The following GHR variants were observed in gnomAD, a reference collection of about 807,000 sequenced individuals.
The protein encoded by GHR is GH receptor.
GHR carries 35 observed loss-of-function variants against 67.1 expected under a neutral mutation model. That is an observed-to-expected ratio of 0.52 (90% confidence interval 0.40 to 0.69). GHR has a LOEUF of 0.69. GHR is among the 30% of genes least tolerant of loss of function. The probability of loss-of-function intolerance (pLI) is 0.00; values close to 1 mark genes in which losing one functional copy is unlikely to be tolerated. For missense variants in GHR, 792 were observed against 764.6 expected (o/e 1.04, Z -0.42); for synonymous variants, 272 against 269.1 (o/e 1.01, Z -0.10).
Position 42,507,547 on chromosome 5 carries a change from A to T in GHR, c.-11-58317A>T, listed in dbSNP as rs548623474. Among the ~76,000 whole-genome samples, 7 of 152,358 alleles carry T rather than the reference A, an allele frequency of 4.6e-5. No homozygotes were observed. The South Asian group carries it at 1.4e-3, about 32-fold the overall frequency. Reference sequence around the variant, plus strand: ...GGTGGAATTCAAAATGGTGTACATCAGTCAGGTCCTGGAAAGACACACAAT... The same window carrying T: ...GGTGGAATTCAAAATGGTGTACATCTGTCAGGTCCTGGAAAGACACACAAT... On this transcript the variant is annotated intron_variant, in intron 1 of 9. Transcript: ENST00000230882.
At chr5:42,462,208 A>T (rs1407387289) in intron 1 of GHR, among the ~76,000 whole-genome samples, 1 of 152,180 alleles carries the variant, frequency 6.6e-6, no homozygotes, top group Non-Finnish European at 1.5e-5. Flanking sequence ...TTTATTTGAA[A>T]TGTTGGTTTT....
At chr5:42,683,076 A>G (rs901627434) in intron 3 of GHR, among the ~76,000 whole-genome samples, 3 of 152,048 alleles carry the variant, frequency 2.0e-5, no homozygotes, top group African/African-American at 7.3e-5. Flanking sequence ...ATCTTGGCTC[A>G]CTGCAAACTC....
intron 2 of GHR, among the ~76,000 whole-genome samples, chr5:42,587,590 CT>C (rs1192518797): frequency 6.6e-6 from 1 of 152,112 alleles, no homozygotes; most frequent in Non-Finnish European, 1.5e-5. Context: ...ACTGCCTGAT[CT>C]TTCTGTTTAC....
intron 1 of GHR, among the ~76,000 whole-genome samples, chr5:42,494,421 G>A (rs1050534451): frequency 6.6e-6 from 1 of 152,010 alleles, no homozygotes; most frequent in African/African-American, 2.4e-5. Context: ...CAAACATGTT[G>A]AGGAAAAAAT....
intron 1 of GHR, among the ~76,000 whole-genome samples, chr5:42,508,515 A>C (rs1746872335): frequency 6.6e-6 from 1 of 152,158 alleles, no homozygotes; most frequent in Non-Finnish European, 1.5e-5. Context: ...CTGAGAGATG[A>C]TTACTGTCAG....
At chr5:42,528,254 T>C (rs576574840) in intron 1 of GHR, among the ~76,000 whole-genome samples, 7 of 152,146 alleles carry the variant, frequency 4.6e-5, no homozygotes, top group Non-Finnish European at 1.0e-4. Context: ...AAAAACCTTA[T>C]GGAAAGGATT....
chr5:42,486,173 T>C (rs1347920520), intron 1 of GHR, among the ~76,000 whole-genome samples: 1 of 152,208 alleles, frequency 6.6e-6, no homozygotes, highest in Admixed American at 6.5e-5. Context: ...ATTTAGGCCA[T>C]CCTCTGCAAT....
At chr5:42,663,218 G>T (rs1298642164) in intron 3 of GHR, among the ~76,000 whole-genome samples, 1 of 152,164 alleles carries the variant, frequency 6.6e-6, no homozygotes, top group African/African-American at 2.4e-5. Flanking sequence ...AATAGAAAAA[G>T]AAGGAATCCT....
chr5:42,678,099 C>A (rs1252554037), intron 3 of GHR, among the ~76,000 whole-genome samples: 1 of 152,110 alleles, frequency 6.6e-6, no homozygotes, highest in Non-Finnish European at 1.5e-5. Context: ...TTTACAATAA[C>A]CCTGTGACAT....
chr5:42,717,015 T>A (rs1407092181), intron 8 of GHR, among the ~76,000 whole-genome samples: 1 of 152,190 alleles, frequency 6.6e-6, no homozygotes, highest in Non-Finnish European at 1.5e-5. Flanking sequence ...TTTTAAAAAA[T>A]AAACTCCAGG....
intron 3 of GHR, among the ~76,000 whole-genome samples, chr5:42,682,970 G>A (rs1474924970): frequency 2.6e-5 from 4 of 151,928 alleles, no homozygotes; most frequent in African/African-American, 7.3e-5. Context: ...CATTGTTGTT[G>A]GCAGGATTCA....
At chr5:42,473,630 G>A (rs547242081) in intron 1 of GHR, among the ~76,000 whole-genome samples, 2 of 152,178 alleles carry the variant, frequency 1.3e-5, no homozygotes, top group Non-Finnish European at 2.9e-5. Flanking sequence ...TGTAATCCCA[G>A]CACTTTGGGA....
chr5:42,481,922 G>A (rs1270052431), intron 1 of GHR, among the ~76,000 whole-genome samples: 3 of 152,126 alleles, frequency 2.0e-5, no homozygotes, highest in Middle Eastern at 3.4e-3. Context: ...TCCATTGCTG[G>A]TGAGGAGCTG....
intron 1 of GHR, among the ~76,000 whole-genome samples, chr5:42,479,351 T>G (rs1475866290): frequency 6.6e-6 from 1 of 152,216 alleles, no homozygotes; most frequent in African/African-American, 2.4e-5. Flanking sequence ...ATTCTCTTTT[T>G]TGGTTGTGTC....
intron 1 of GHR, among the ~76,000 whole-genome samples, chr5:42,480,810 C>G (rs923997497): frequency 6.6e-6 from 1 of 152,206 alleles, no homozygotes; most frequent in Non-Finnish European, 1.5e-5. Context: ...TTCCTTAATA[C>G]AGCACGCTGA....
At chr5:42,446,063 C>T (rs1743793845) in intron 1 of GHR, among the ~76,000 whole-genome samples, 2 of 152,128 alleles carry the variant, frequency 1.3e-5, no homozygotes, top group African/African-American at 4.8e-5. Context: ...GCAAAAGCAG[C>T]AGTTATTTGA....
rs373055838 is a variant in GHR, at chr5:42,629,040, A to G, written c.73A>G (p.Thr25Ala). Residue 25 changes from threonine (T) to alanine (A), a missense_variant and splice_region_variant, in exon 3 of 10, where the codon ACA becomes GCA. Transcript: ENST00000230882. ...GTTTTCTTCTCTTTCTGTTTCAGCC[A>G]CAGCAGCTATCCTTAGCAGAGCACC... ...SSDAFSGSEATAAILSRAPWS... is the reference protein window; with the variant it reads ...SSDAFSGSEAAAAILSRAPWS... 7.3e-6 allele frequency: 10 copies of G among 1,376,816 alleles called. 2 individuals carry two copies. The highest frequency in any genetic ancestry group is 3.6e-5 in the African/African-American group (2 of 55,142). The allele number at this position is 1,376,816 out of a possible 1,614,324, so 85.3% of individuals were successfully genotyped here. A position where few individuals can be genotyped will look rare whatever the true frequency, so the allele number is the denominator to read the frequency against.
chr5:42,675,454 A>C (rs1003865964), intron 3 of GHR, among the ~76,000 whole-genome samples: 1 of 152,226 alleles, frequency 6.6e-6, no homozygotes, highest in Admixed American at 6.5e-5. Context: ...AGAAGAGAGA[A>C]AATTTTAAAT....
chr5:42,682,501 G>T (rs1004660000), intron 3 of GHR, among the ~76,000 whole-genome samples: 2 of 152,130 alleles, frequency 1.3e-5, no homozygotes, highest in African/African-American at 4.8e-5. Context: ...GATTATGGTA[G>T]TTCCTCTCAG....
Sources: allele counts gnomAD v4.1 joint callset (sites outside exome capture counted in the v4.1 genomes callset), GRCh38; gene constraint gnomAD v4.1.1; transcripts MANE v1.5; gene names NCBI Gene and HGNC (gene_info 2026-07-23, HGNC 2026-07-21).